TEAD4: variants seen among roughly 807,000 people sequenced by gnomAD.
TEAD4 encodes TEA domain transcription factor 4.
In TEAD4, 36 loss-of-function variants were observed where a neutral mutation model predicts 52.4. The ratio of observed to expected loss-of-function variants is 0.69; its 90% CI spans 0.53 to 0.91. The LOEUF (loss-of-function observed/expected upper bound fraction) is 0.91, where lower values mean the gene tolerates loss of function less well. Ranked by LOEUF, TEAD4 falls within the 40% of genes least tolerant of loss-of-function variation. The pLI, the probability that TEAD4 is intolerant of heterozygous loss-of-function variation, is 0.00. For synonymous variants in TEAD4, 220 were observed against 231.0 expected (o/e 0.95, Z 0.43); for missense variants, 508 against 583.9 (o/e 0.87, Z 1.34).
rs567118973 is a variant in TEAD4, at chr12:2,985,267, C to T, written c.-29-9471C>T. 9.9e-5 allele frequency among the ~76,000 whole-genome samples: 15 copies of T among 151,732 alleles called. No homozygotes were observed. The South Asian group carries it at 2.9e-3, about 30-fold the overall frequency. On this transcript the variant is annotated intron_variant, in intron 2 of 12. Coordinates refer to ENST00000359864, the MANE Select transcript of TEAD4 (RefSeq NM_003213.4). ...AGTCGTGGTGGCAGGCACCTGTAGT[C>T]CCAGCTGCTCAGGAGGCTGAGGCAG...
intron 10 of TEAD4, among the ~76,000 whole-genome samples, chr12:3,028,119 G>A (rs1480567084): frequency 6.6e-6 from 1 of 152,148 alleles, no homozygotes; most frequent in African/African-American, 2.4e-5. Context: ...TCTTGAACTT[G>A]GCATAGTGTT....
chr12:3,028,030 T>G (rs2098273109), intron 10 of TEAD4, among the ~76,000 whole-genome samples: 3 of 152,212 alleles, frequency 2.0e-5, no homozygotes. Context: ...ATAATCTACT[T>G]TCTGTCTTTG....
chr12:3,027,915 G>A (rs1193373039), intron 10 of TEAD4, among the ~76,000 whole-genome samples: 2 of 152,116 alleles, frequency 1.3e-5, no homozygotes, highest in South Asian at 2.1e-4. Context: ...TCACAAAGTT[G>A]TGCAACCATC....
Position 3,021,882 on chromosome 12 carries a change from C to T in TEAD4, c.762C>T (p.Ser254=). The change falls in exon 10 of 13, where the codon AGC becomes AGT. Residue 254 remains serine (S), a synonymous_variant. Coordinates refer to ENST00000359864, the MANE Select transcript of TEAD4 (RefSeq NM_003213.4). ...TGTTCGTGCACATTGGCCAGTCCAG[C>T]CCAAGCTACAGCGACCCCTACCTCG... The T allele has an allele frequency of 1.2e-6, 2 of 1,614,230 alleles. No homozygotes were observed. The highest frequency in any genetic ancestry group is 1.7e-6 in the Non-Finnish European group (2 of 1,180,038).
At chr12:3,019,207 C>T in intron 8 of TEAD4, 37 bp downstream of exon 8, 2 of 1,610,510 alleles carry the variant, frequency 1.2e-6, no homozygotes, top group Non-Finnish European at 1.7e-6. Context: ...TCTATCGCAG[C>T]CATGTGGCTC....
At chr12:3,035,389 G>A (rs2098278730) in intron 10 of TEAD4, among the ~76,000 whole-genome samples, 1 of 152,224 alleles carries the variant, frequency 6.6e-6, no homozygotes, top group African/African-American at 2.4e-5. Flanking sequence ...CCTGCCAGCG[G>A]CATTTCAGGC....
chr12:2,966,656 C>T (rs1272890597), intron 2 of TEAD4, among the ~76,000 whole-genome samples: 1 of 151,886 alleles, frequency 6.6e-6, no homozygotes, highest in Admixed American at 6.6e-5. Flanking sequence ...TGTGATCTGC[C>T]CGCCTTGACC....
intron 2 of TEAD4, among the ~76,000 whole-genome samples, chr12:2,993,714 G>C (rs1444621712): frequency 6.7e-6 from 1 of 148,882 alleles, no homozygotes; most frequent in African/African-American, 2.5e-5. Context: ...CTGGGCTCAA[G>C]GGATCCTCCT....
intron 2 of TEAD4, among the ~76,000 whole-genome samples, chr12:2,979,733 T>C (rs1204048034): frequency 6.6e-5 from 10 of 152,208 alleles, no homozygotes; most frequent in Admixed American, 5.9e-4. Flanking sequence ...GATGACAGCA[T>C]TAATCCATTC....
At chr12:3,017,314 T>C (rs1565544802) in intron 5 of TEAD4, 84 bp from the exon 6 acceptor site, 9 of 1,583,104 alleles carry the variant, frequency 5.7e-6, no homozygotes, top group Non-Finnish European at 7.7e-6. Flanking sequence ...GCGAGACAGC[T>C]TCCCTGACCC....
In TEAD4 at chr12:3,022,125, G is replaced by T. The variant is rs116380148; in HGVS notation, c.897+108G>T. The T allele has an allele frequency of 1.2e-3, 1,684 of 1,410,820 alleles. 9 individuals carry two copies. The African/African-American group carries it at 0.021, about 17-fold the overall frequency. 87.4% of individuals were successfully genotyped at this position (1,410,820 alleles called of 1,614,324 possible). A position where few individuals can be genotyped will look rare whatever the true frequency, so the allele number is the denominator to read the frequency against. Reference sequence around the variant, plus strand: ...CTTGTCACAGTAGAAACTTGGGGAGGTGGCACCAGTGAGAAGGGGAGAGTA... The same window carrying T: ...CTTGTCACAGTAGAAACTTGGGGAGTTGGCACCAGTGAGAAGGGGAGAGTA... On this transcript the variant is annotated intron_variant, in intron 10 of 12. Coordinates refer to ENST00000359864, the MANE Select transcript of TEAD4 (RefSeq NM_003213.4).
At chr12:2,968,109 G>A (rs1023804663) in intron 2 of TEAD4, among the ~76,000 whole-genome samples, 10 of 110,068 alleles carry the variant, frequency 9.1e-5, no homozygotes, top group Admixed American at 4.6e-4. Flanking sequence ...TTTTTGAGAC[G>A]GAGTTTCGCT....
At chr12:2,974,495 A>G (rs866071763) in intron 2 of TEAD4, among the ~76,000 whole-genome samples, 36 of 152,298 alleles carry the variant, frequency 2.4e-4, no homozygotes, top group Admixed American at 1.9e-3. Flanking sequence ...GGCCCAGTCC[A>G]GAGGCTCGAG....
intron 5 of TEAD4, among the ~76,000 whole-genome samples, chr12:3,014,272 T>C (rs935595781): frequency 6.6e-6 from 1 of 152,166 alleles, no homozygotes; most frequent in Non-Finnish European, 1.5e-5. Flanking sequence ...GACTTCCCAC[T>C]ACTGGGTTTA....
chr12:3,032,362 C>T (rs1029446779), intron 10 of TEAD4, among the ~76,000 whole-genome samples: 2 of 152,060 alleles, frequency 1.3e-5, no homozygotes, highest in South Asian at 2.1e-4. Flanking sequence ...TCCAGGAGCT[C>T]GCACTCTGGA....
intron 2 of TEAD4, among the ~76,000 whole-genome samples, chr12:2,963,756 T>C (rs1054675927): frequency 1.3e-5 from 2 of 152,146 alleles, no homozygotes; most frequent in African/African-American, 2.4e-5. Flanking sequence ...TTGGGAAAAT[T>C]TCCACTAGAA....
At chr12:3,001,861 C>T (rs1032439811) in intron 3 of TEAD4, among the ~76,000 whole-genome samples, 15 of 151,372 alleles carry the variant, frequency 9.9e-5, no homozygotes, top group African/African-American at 2.9e-4. Flanking sequence ...GAGGCCAAGG[C>T]GGGCAGATCA....
At chr12:2,999,955 C>T (rs55994272) in intron 3 of TEAD4, among the ~76,000 whole-genome samples, 10,048 of 152,132 alleles carry the variant, frequency 0.066, 417 homozygotes, top group Non-Finnish European at 0.099. Flanking sequence ...CTTGACTTTC[C>T]CGAGTCTTCC....
intron 2 of TEAD4, among the ~76,000 whole-genome samples, chr12:2,969,994 G>A (rs1287936484): frequency 6.6e-6 from 1 of 152,202 alleles, no homozygotes; most frequent in Non-Finnish European, 1.5e-5. Context: ...AGGAGGCTGA[G>A]GCGGGAGAGT....
Sources: gnomAD v4.1 joint callset for allele counts (sites outside exome capture counted in the v4.1 genomes callset) on GRCh38, gnomAD v4.1.1 for gene constraint, MANE v1.5 for transcripts, NCBI Gene and HGNC (gene_info 2026-07-23, HGNC 2026-07-21) for gene names.